The following IFT88 variants were observed in gnomAD, a reference collection of about 807,000 sequenced individuals.
IFT88 encodes the protein intraflagellar transport protein 88 homolog.
In IFT88, 74 loss-of-function variants were observed where a neutral mutation model predicts 119.5. The observed-to-expected ratio is 0.62, with a 90% CI of 0.51 to 0.75. IFT88 has a LOEUF of 0.75. Ranked by LOEUF, IFT88 falls within the 30% of genes least tolerant of loss-of-function variation. The pLI is 0.00. For synonymous variants in IFT88, 279 were observed against 316.7 expected (o/e 0.88, Z 1.26); for missense variants, 961 against 977.7 (o/e 0.98, Z 0.23).
At position 20,615,815 on chromosome 13, in the gene IFT88, A is replaced by T. The variant is rs17856890; in HGVS notation, c.1135A>T (p.Ile379Phe). 2.1e-5 allele frequency: 34 copies of T among 1,603,216 alleles called. No homozygotes were observed. The highest frequency in any genetic ancestry group is 2.7e-5 in the African/African-American group (2 of 74,360). ...TAGGAAAGCCATGGCAGAAAAATAT[A>T]TTATGACATCTGCAAAACTCATTGC... ...RERKAMAEKY[I>F]MTSAKLIAPV... Residue 379 changes from isoleucine (I) to phenylalanine (F), a missense_variant, in exon 14 of 26, where the codon ATT (isoleucine) becomes TTT (phenylalanine). Ile to Phe is a conservative substitution (Grantham distance 21, BLOSUM62 0). Coordinates refer to ENST00000351808, the MANE Select transcript of IFT88 (RefSeq NM_006531.5).
intron 13 of IFT88, among the ~76,000 whole-genome samples, chr13:20,615,029 A>G (rs2139636132): frequency 6.6e-6 from 1 of 152,080 alleles, no homozygotes; most frequent in East Asian, 1.9e-4. Context: ...GTTAGCCAGG[A>G]TGGTCTCGAT....
intron 8 of IFT88, 22 bp downstream of exon 8, chr13:20,596,262 A>C (rs1188640643): frequency 9.0e-7 from 1 of 1,108,908 alleles, no homozygotes; most frequent in East Asian, 2.6e-5. Context: ...AACAAGATTC[A>C]AAATTATGAA....
intron 14 of IFT88, among the ~76,000 whole-genome samples, chr13:20,616,819 G>A (rs2045694937): frequency 6.6e-6 from 1 of 152,184 alleles, no homozygotes; most frequent in African/African-American, 2.4e-5. Flanking sequence ...CACATGAGGT[G>A]TGATACAGCA....
At chr13:20,624,617 C>T (rs1167460004) in intron 14 of IFT88, among the ~76,000 whole-genome samples, 1 of 152,116 alleles carries the variant, frequency 6.6e-6, no homozygotes, top group African/African-American at 2.4e-5. Flanking sequence ...CATAACACCA[C>T]AGGCCACCCC....
intron 15 of IFT88, 81 bp from the exon 16 acceptor site, chr13:20,630,935 G>T (rs1167725604): frequency 3.5e-6 from 3 of 861,072 alleles, no homozygotes; most frequent in South Asian, 1.7e-5. Flanking sequence ...TACCCTTCAG[G>T]AACACTGATC....
At chr13:20,639,921 T>G (rs1263654246) in intron 17 of IFT88, among the ~76,000 whole-genome samples, 5 of 151,290 alleles carry the variant, frequency 3.3e-5, no homozygotes, top group African/African-American at 1.2e-4. Flanking sequence ...TCCAAGTAGC[T>G]GGAACCACAG....
intron 13 of IFT88, among the ~76,000 whole-genome samples, chr13:20,606,500 C>G (rs999709967): frequency 3.3e-5 from 5 of 152,214 alleles, no homozygotes; most frequent in Non-Finnish European, 5.9e-5. Flanking sequence ...TCTCCTTCCT[C>G]TGCTGGAGTG....
chr13:20,597,133 T>C lies in IFT88; in HGVS notation c.594+14T>C, dbSNP rs111562097. 4.9e-5 allele frequency: 70 copies of C among 1,419,864 alleles called. 1 individual carries two copies. The highest frequency in any genetic ancestry group is 3.7e-4 in the African/African-American group (26 of 69,334). The allele number at this position is 1,419,864 out of a possible 1,614,324, so 88.0% of individuals were successfully genotyped here. A position where few individuals can be genotyped will look rare whatever the true frequency, so the allele number is the denominator to read the frequency against. ...TTAACTTACTCAGTAAGTATTGAAA[T>C]ATAACACAATTTTTAAATAAAATTT... On this transcript the variant is annotated intron_variant, in intron 9 of 25. Transcript: ENST00000351808.
chr13:20,575,504 T>C (rs1018621219), intron 2 of IFT88, among the ~76,000 whole-genome samples: 2 of 152,176 alleles, frequency 1.3e-5, no homozygotes, highest in Non-Finnish European at 2.9e-5. Flanking sequence ...ATACCCAGCA[T>C]TGGAGGTGAG....
intron 22 of IFT88, among the ~76,000 whole-genome samples, chr13:20,662,033 A>G (rs1018328792): frequency 2.6e-5 from 4 of 152,172 alleles, no homozygotes; most frequent in African/African-American, 4.8e-5. Flanking sequence ...GCAGAATGCA[A>G]TGATGTTGTT....
At chr13:20,597,294 CT>C (rs1280362368) in intron 9 of IFT88, among the ~76,000 whole-genome samples, 175 bp downstream of exon 9, 1 of 151,972 alleles carries the variant, frequency 6.6e-6, no homozygotes, top group South Asian at 2.1e-4. Flanking sequence ...GCAAAGAGCT[CT>C]TTTCTTTAGT....
chr13:20,691,118 G>A lies in IFT88; in HGVS notation c.2418G>A (p.Arg806=). The part of the protein sequence containing the change: ...IERPKTAAKK[R]IDEDDFADEE... ...GACCAAAAACTGCAGCCAAGAAAAG[G>A]ATCGATGAGGATGATTTTGCTGATG... Residue 806 remains arginine, a synonymous_variant, in exon 26 of 26, where the codon AGG becomes AGA. Transcript: ENST00000351808. 1.2e-6 allele frequency: 2 copies of A among 1,613,922 alleles called. No individual in the cohort carries two copies. The highest frequency in any genetic ancestry group is 8.5e-7 in the Non-Finnish European group (1 of 1,179,862).
At chr13:20,593,225 G>GT (rs2041019445) in intron 7 of IFT88, among the ~76,000 whole-genome samples, 1 of 152,166 alleles carries the variant, frequency 6.6e-6, no homozygotes, top group African/African-American at 2.4e-5. Flanking sequence ...TGGTATCCAA[G>GT]TACCTTGATG....
At chr13:20,669,058 C>T (rs2055303830) in intron 23 of IFT88, among the ~76,000 whole-genome samples, 1 of 152,182 alleles carries the variant, frequency 6.6e-6, no homozygotes. Context: ...AGGGAAGGCA[C>T]TGAACCAACC....
chr13:20,690,068 C>A (rs553912031), intron 24 of IFT88, among the ~76,000 whole-genome samples: 198 of 152,230 alleles, frequency 1.3e-3, no homozygotes, highest in African/African-American at 4.6e-3. Flanking sequence ...ATTTTAAAGA[C>A]CATCTTGTTC....
intron 23 of IFT88, among the ~76,000 whole-genome samples, chr13:20,666,754 A>G (rs2054761694): frequency 6.6e-6 from 1 of 152,184 alleles, no homozygotes; most frequent in Non-Finnish European, 1.5e-5. Flanking sequence ...AAAACAATAA[A>G]TGTTCTTTTA....
At chr13:20,621,719 C>T (rs1164303874) in intron 14 of IFT88, among the ~76,000 whole-genome samples, 1 of 152,048 alleles carries the variant, frequency 6.6e-6, no homozygotes, top group Non-Finnish European at 1.5e-5. Context: ...ACATTTGTTA[C>T]AATCAATGAA....
intron 23 of IFT88, among the ~76,000 whole-genome samples, chr13:20,669,267 C>G (rs988604524): frequency 6.6e-6 from 1 of 152,136 alleles, no homozygotes; most frequent in South Asian, 2.1e-4. Flanking sequence ...GAACAGGTGT[C>G]AGGCAATAAA....
At position 20,601,811 on chromosome 13, in the gene IFT88, G is replaced by T. The variant is rs752493211; in HGVS notation, c.919G>T (p.Ala307Ser). Residue 307 changes from alanine (A) to serine (S), a missense_variant, in exon 12 of 26, where the codon GCA (alanine) becomes TCA (serine). Physicochemically the swap from Ala to Ser is moderately conservative, Grantham distance 99. Transcript: ENST00000351808. Reference sequence around the variant, plus strand: ...AATGAGCATGGCACCAAATCTGAAGGCAGGCTACAACCTAACTATCTGTTA... The same window carrying T: ...AATGAGCATGGCACCAAATCTGAAGTCAGGCTACAACCTAACTATCTGTTA... ...HIMSMAPNLK[A>S]GYNLTICYFA... 1 of 1,613,296 alleles carries T rather than the reference G, an allele frequency of 6.2e-7. No individual in the cohort carries two copies. Among genetic ancestry groups the T allele is most frequent in the Admixed American group, 1.7e-5 (1 of 60,018 alleles).
Sources: allele counts gnomAD v4.1 joint callset (sites outside exome capture counted in the v4.1 genomes callset), GRCh38; gene constraint gnomAD v4.1.1; transcripts MANE v1.5; gene names NCBI Gene and HGNC (gene_info 2026-07-23, HGNC 2026-07-21).